EML1: variants seen among roughly 807,000 people sequenced by gnomAD.
EML1 encodes the protein echinoderm microtubule-associated protein-like 1.
A neutral mutation model predicts 110.4 loss-of-function variants in EML1; 27 were observed. The observed-to-expected ratio is 0.24, with a 90% CI of 0.18 to 0.34. EML1 has a LOEUF of 0.34. Among genes scored for constraint, EML1 ranks in the 10% least tolerant of loss-of-function variants. The pLI is 1.00. For missense variants in EML1, 741 were observed against 1,030.9 expected (o/e 0.72, Z 3.85); for synonymous variants, 344 against 385.8 (o/e 0.89, Z 1.27).
chr14:99,808,272 G>A (rs181201398), intron 1 of EML1, among the ~76,000 whole-genome samples: 92 of 152,238 alleles, frequency 6.0e-4, no homozygotes, highest in Admixed American at 4.8e-3. Flanking sequence ...ACAGTGCCTC[G>A]CAGGGAGTTT....
chr14:99,898,387 C>A, intron 8 of EML1, 85 bp downstream of exon 8: 4 of 1,297,810 alleles, frequency 3.1e-6, no homozygotes, highest in South Asian at 1.4e-5. Flanking sequence ...CTGAGTAAGG[C>A]TGCTTAGATA....
upstream of EML1, among the ~76,000 whole-genome samples, chr14:99,790,779 G>A (rs1211146493): frequency 6.6e-6 from 1 of 152,056 alleles, no homozygotes; most frequent in Non-Finnish European, 1.5e-5. Context: ...CCAGGCGGGC[G>A]CAAGAGGACA....
intron 1 of EML1, among the ~76,000 whole-genome samples, chr14:99,775,897 A>G (rs1595266621): frequency 6.6e-6 from 1 of 152,232 alleles, no homozygotes. Flanking sequence ...AGGACCCATT[A>G]TAAGAACATT....
At chr14:99,860,771 A>G (rs1419423498) in intron 2 of EML1, among the ~76,000 whole-genome samples, 2 of 152,088 alleles carry the variant, frequency 1.3e-5, no homozygotes, top group Non-Finnish European at 2.9e-5. Context: ...CTTCTCAGTC[A>G]TTCCAAGAGT....
chr14:99,867,476 C>T (rs951485218), intron 3 of EML1, among the ~76,000 whole-genome samples: 4 of 152,132 alleles, frequency 2.6e-5, no homozygotes, highest in African/African-American at 9.7e-5. Flanking sequence ...GGATGTCTTT[C>T]TCTTTTTTTG....
At chr14:99,899,987 A>G (rs1595454337) in intron 8 of EML1, among the ~76,000 whole-genome samples, 1 of 152,140 alleles carries the variant, frequency 6.6e-6, no homozygotes, top group Non-Finnish European at 1.5e-5. Flanking sequence ...TAGTGTTTCT[A>G]CTAGGTCCAA....
At chr14:99,908,346 A>G (rs193130839) in intron 10 of EML1, among the ~76,000 whole-genome samples, 7 of 152,038 alleles carry the variant, frequency 4.6e-5, no homozygotes, top group African/African-American at 9.6e-5. Context: ...TTCTATTTCT[A>G]TTTTCTATTG....
rs139839434 is a variant in EML1, at chr14:99,941,440, G to T, written c.*1328G>T. 6.6e-6 allele frequency: 1 copy of T among 152,192 alleles called. No homozygotes were observed. Among genetic ancestry groups the T allele is most frequent in the African/African-American group, 2.4e-5 (1 of 41,432 alleles). 9.4% of individuals were successfully genotyped at this position (152,192 alleles called of 1,614,324 possible). On this transcript the variant is annotated 3_prime_UTR_variant, in exon 22 of 22. Coordinates refer to ENST00000262233, the MANE Select transcript of EML1 (RefSeq NM_004434.3). ...GACATCACCAGCCTACTGCAGAAGT[G>T]CAGGGCACCAGTAAACACCATGTAT... is the stretch of plus-strand genomic sequence containing the variant.
Position 99,826,392 on chromosome 14 carries a change from C to T in EML1, c.68-24461C>T, listed in dbSNP as rs145903003. ...CCTCCCACAGTGCTGGGATTACAGGCGTGAGCCACTGTGCCCAGCCCTATG... is the reference window on the plus strand; with the variant it reads ...CCTCCCACAGTGCTGGGATTACAGGTGTGAGCCACTGTGCCCAGCCCTATG... On this transcript the variant is annotated intron_variant, in intron 1 of 21. Coordinates refer to ENST00000262233, the MANE Select transcript of EML1 (RefSeq NM_004434.3). Among the ~76,000 whole-genome samples the T allele has an allele frequency of 1.2e-4, 18 of 152,226 alleles. No individual in the cohort carries two copies. In the East Asian group the frequency reaches 2.3e-3, roughly 20 times the overall value.
chr14:99,868,517 T>C (rs1021666811), intron 3 of EML1, among the ~76,000 whole-genome samples: 1 of 152,210 alleles, frequency 6.6e-6, no homozygotes, highest in Admixed American at 6.5e-5. Context: ...TCATATTTTT[T>C]GCTTCTTTAT....
intron 1 of EML1, among the ~76,000 whole-genome samples, chr14:99,815,858 C>T (rs983285152): frequency 3.3e-5 from 5 of 152,244 alleles, no homozygotes; most frequent in Middle Eastern, 3.4e-3. Flanking sequence ...AGATGAGCAT[C>T]TTGTGTCATG....
At chr14:99,739,106 G>A (rs78273861) in intron 1 of EML1, among the ~76,000 whole-genome samples, 4 of 68,404 alleles carry the variant, frequency 5.8e-5, no homozygotes, top group Non-Finnish European at 3.0e-5. Flanking sequence ...GAGAGAGACA[G>A]AGAGAGAGAG....
At position 99,936,998 on chromosome 14, in the gene EML1, C is replaced by T. The variant is rs11160561; in HGVS notation, c.2095+664C>T. 0.77 allele frequency among the ~76,000 whole-genome samples: 117,213 copies of T among 152,228 alleles called. 45,604 individuals are homozygous for T. The highest frequency in any genetic ancestry group is 0.89 in the African/African-American group (36,852 of 41,554). ...TGCTGGAAGTTACTGGAAAGCGCAG[C>T]GCTCCTCCTCTGCGTCTTCTCAGAT... On this transcript the variant is annotated intron_variant, in intron 19 of 21. Transcript: ENST00000262233. This position sits in a 1 kb window ranked among gnomAD's most constrained non-coding sequence, Gnocchi z 5.5.
In EML1 at chr14:99,887,539, G is replaced by A. The variant is rs569983245; in HGVS notation, c.519-3660G>A. Among the ~76,000 whole-genome samples, 37 of 152,118 alleles carry A rather than the reference G, an allele frequency of 2.4e-4. No individual in the cohort carries two copies. The East Asian group carries it at 3.5e-3, about 14-fold the overall frequency. On this transcript the variant is annotated intron_variant, in intron 4 of 21. Transcript: ENST00000262233. ...AGGACAGGACTGGGCATTCTCCCCCGCACCCCGCCACCGCCATGGAGCCAC... is the reference window on the plus strand; with the variant it reads ...AGGACAGGACTGGGCATTCTCCCCCACACCCCGCCACCGCCATGGAGCCAC...
At chr14:99,819,838 G>A (rs1399947217) in intron 1 of EML1, among the ~76,000 whole-genome samples, 2 of 152,258 alleles carry the variant, frequency 1.3e-5, no homozygotes, top group African/African-American at 4.8e-5. Flanking sequence ...TGGGCTGGGG[G>A]AGGGCTCACG....
chr14:99,883,189 CT>C, intron 4 of EML1: 1 of 152,314 alleles, frequency 6.6e-6, no homozygotes, highest in Non-Finnish European at 1.5e-5. Context: ...CCCAGCACAA[CT>C]TTTTTCCTTT....
intron 2 of EML1, among the ~76,000 whole-genome samples, chr14:99,858,924 A>G (rs2139858139): frequency 6.6e-6 from 1 of 152,306 alleles, no homozygotes; most frequent in Middle Eastern, 3.4e-3. Context: ...TTTTAAGCCT[A>G]ATGGGAGTTT....
intron 11 of EML1, 88 bp from the exon 12 acceptor site, chr14:99,910,154 T>C: frequency 1.0e-6 from 1 of 959,094 alleles, no homozygotes; most frequent in East Asian, 2.7e-5. Context: ...CGAATCTAGA[T>C]GTTATTAGTA....
At chr14:99,865,771 A>G (rs1448494453) in intron 3 of EML1, 125 bp downstream of exon 3, 2 of 1,197,578 alleles carry the variant, frequency 1.7e-6, no homozygotes, top group Non-Finnish European at 2.3e-6. Flanking sequence ...ATAAAAGTCC[A>G]ACATTTTATA....
Sources: gnomAD v4.1 joint callset for allele counts (sites outside exome capture counted in the v4.1 genomes callset) on GRCh38, gnomAD v4.1.1 for gene constraint, Gnocchi (gnomAD v3.1) non-coding constraint, MANE v1.5 for transcripts, NCBI Gene and HGNC (gene_info 2026-07-23, HGNC 2026-07-21) for gene names.